Variants in RELN observed in about 807,000 individuals in gnomAD.
RELN encodes the protein reelin.
Under a neutral mutation model 427.6 loss-of-function variants are expected in RELN, and 108 were observed. The observed-to-expected ratio is 0.25, with a 90% confidence interval of 0.22 to 0.30. The LOEUF is 0.30. Among genes scored for constraint, RELN ranks in the 10% least tolerant of loss-of-function variants. The pLI is 1.00. For synonymous variants in RELN, 1,524 were observed against 1,513.4 expected (o/e 1.01, Z -0.16); for missense variants, 3,715 against 4,302.8 (o/e 0.86, Z 3.82).
intron 6 of RELN, among the ~76,000 whole-genome samples, chr7:103,745,648 A>C (rs1422947760): frequency 2.0e-5 from 3 of 151,462 alleles, no homozygotes; most frequent in Non-Finnish European, 4.4e-5. Context: ...CCAAATCATG[A>C]GTGAACTCCC....
chr7:103,546,747 G>A (rs1024928079), intron 41 of RELN, among the ~76,000 whole-genome samples: 2 of 152,118 alleles, frequency 1.3e-5, no homozygotes, highest in Non-Finnish European at 2.9e-5. Flanking sequence ...CATAGTAGAT[G>A]CTCAGTAAAT....
chr7:103,869,704 C>T (rs892260306), intron 2 of RELN, among the ~76,000 whole-genome samples: 2 of 152,086 alleles, frequency 1.3e-5, no homozygotes, highest in Admixed American at 1.3e-4. Flanking sequence ...TTCTCATTGG[C>T]TATAGTGTGC....
At chr7:103,875,646 GACTT>G (rs1002361747) in intron 2 of RELN, among the ~76,000 whole-genome samples, 87 of 152,074 alleles carry the variant, frequency 5.7e-4, no homozygotes, top group Admixed American at 3.1e-3. Context: ...ATAAACCTAC[GACTT>G]ACTTCTTAAA....
chr7:103,650,238 CAAT>C, intron 16 of RELN, 33 bp downstream of exon 16: 1 of 1,216,654 alleles, frequency 8.2e-7, no homozygotes, highest in Non-Finnish European at 1.2e-6. Flanking sequence ...GACTCTACAT[CAAT>C]GGCATGTGAT....
intron 2 of RELN, among the ~76,000 whole-genome samples, chr7:103,912,922 T>C (rs962179885): frequency 2.0e-5 from 3 of 152,016 alleles, no homozygotes; most frequent in African/African-American, 7.2e-5. Flanking sequence ...AGAATCATTT[T>C]TTTTTCTGGG....
chr7:103,561,785 A>T, intron 35 of RELN, 28 bp downstream of exon 35: 2 of 1,613,960 alleles, frequency 1.2e-6, no homozygotes, highest in South Asian at 1.1e-5. Flanking sequence ...CGTTACAAAG[A>T]AAGAAACTGT....
At chr7:103,941,130 G>A (rs1272628126) in intron 1 of RELN, among the ~76,000 whole-genome samples, 1 of 152,032 alleles carries the variant, frequency 6.6e-6, no homozygotes, top group Non-Finnish European at 1.5e-5. Context: ...ACACGAGACT[G>A]GTACAATTTC....
At chr7:103,582,792 T>C (rs1039995058) in intron 28 of RELN, among the ~76,000 whole-genome samples, 1 of 152,200 alleles carries the variant, frequency 6.6e-6, no homozygotes, top group Non-Finnish European at 1.5e-5. Context: ...CGTCTATAGA[T>C]TGTTAAGCTT....
intron 4 of RELN, among the ~76,000 whole-genome samples, chr7:103,761,193 A>C (rs2116130372): frequency 6.6e-6 from 1 of 152,346 alleles, no homozygotes; most frequent in Middle Eastern, 3.4e-3. Context: ...ATAGGAACAA[A>C]ATGAAAATAT....
intron 3 of RELN, among the ~76,000 whole-genome samples, chr7:103,820,977 CTTAT>C (rs973142963): frequency 5.3e-5 from 8 of 151,984 alleles, no homozygotes; most frequent in South Asian, 2.1e-4. Context: ...TAGTGTTTTA[CTTAT>C]TTGTTAAAAA....
At chr7:103,965,363 C>G (rs578249082) in intron 1 of RELN, among the ~76,000 whole-genome samples, 1 of 152,120 alleles carries the variant, frequency 6.6e-6, no homozygotes, top group Non-Finnish European at 1.5e-5. Context: ...CCTTTGTCCA[C>G]GAGAAGAAAA....
At chr7:103,873,012 A>G (rs1794388220) in intron 2 of RELN, among the ~76,000 whole-genome samples, 2 of 152,146 alleles carry the variant, frequency 1.3e-5, no homozygotes, top group East Asian at 1.9e-4. Flanking sequence ...TATCTCTCAG[A>G]CCACAGTGCA....
intron 10 of RELN, among the ~76,000 whole-genome samples, chr7:103,685,169 C>T (rs537832817): frequency 1.6e-4 from 24 of 152,222 alleles, no homozygotes; most frequent in South Asian, 1.2e-3. Flanking sequence ...TAACATCGAT[C>T]TACTATGTTA....
At chr7:103,958,513 A>ACTTTGGAACACTACATGTT (rs1319405024) in intron 1 of RELN, among the ~76,000 whole-genome samples, 12 of 152,058 alleles carry the variant, frequency 7.9e-5, no homozygotes, top group African/African-American at 2.7e-4. Flanking sequence ...TCCCACTCCC[A>ACTTTGGAACACTACATGTT]CCAAAGAACA....
At chr7:103,774,567 A>G (rs958876934) in intron 4 of RELN, among the ~76,000 whole-genome samples, 1 of 152,174 alleles carries the variant, frequency 6.6e-6, no homozygotes, top group Non-Finnish European at 1.5e-5. Flanking sequence ...GGTGACTGCA[A>G]TTGTTTTTCC....
intron 2 of RELN, among the ~76,000 whole-genome samples, chr7:103,843,624 C>T (rs776769154): frequency 6.6e-6 from 1 of 152,148 alleles, no homozygotes; most frequent in Non-Finnish European, 1.5e-5. Flanking sequence ...TCTTTTTCTC[C>T]AAATGCCTAA....
chr7:103,707,051 G>A (rs1834218500), intron 8 of RELN, among the ~76,000 whole-genome samples: 1 of 152,116 alleles, frequency 6.6e-6, no homozygotes. Context: ...CAGAGTTCAT[G>A]TAGCCTCAAA....
chr7:103,561,856 A>G lies in RELN; in HGVS notation c.5308T>C (p.Trp1770Arg). The change falls in exon 35 of 65, where the codon TGG becomes CGG. Residue 1770 changes from tryptophan (W) to arginine (R), a missense_variant. Transcript: ENST00000428762. ...CAAATCCCTCGTCCTGAGCACATCC[A>G]AGGGCACCCTGAGGCCAGTACAACA... ...DNVVLASGCPWMCSGRGICDA... is the reference protein window; with the variant it reads ...DNVVLASGCPRMCSGRGICDA... 6.2e-7 allele frequency: 1 copy of G among 1,613,650 alleles called. No individual in the cohort carries two copies. Among genetic ancestry groups the G allele is most frequent in the Non-Finnish European group, 8.5e-7 (1 of 1,179,866 alleles).
At chr7:103,490,922 A>C (rs1828628924) in intron 58 of RELN, 93 bp from the exon 59 acceptor site, 1 of 1,268,734 alleles carries the variant, frequency 7.9e-7, no homozygotes, top group Non-Finnish European at 1.1e-6. Context: ...GGTTAAATTA[A>C]AATATTTGTA....
Sources: gnomAD v4.1 joint callset for allele counts (sites outside exome capture counted in the v4.1 genomes callset) on GRCh38, gnomAD v4.1.1 for gene constraint, MANE v1.5 for transcripts, NCBI Gene and HGNC (gene_info 2026-07-23, HGNC 2026-07-21) for gene names.